The following MAP1B variants were observed in gnomAD, a reference collection of about 807,000 sequenced individuals.
The protein encoded by MAP1B is microtubule-associated protein 1B.
A neutral mutation model predicts 176.1 loss-of-function variants in MAP1B; 12 were observed. That is an observed-to-expected ratio of 0.07 (90% CI 0.04 to 0.11). MAP1B has a LOEUF of 0.11. MAP1B is among the 10% of genes least tolerant of loss of function. MAP1B has a pLI of 1.00. For synonymous variants in MAP1B, 1,044 were observed against 1,135.0 expected, an observed-to-expected ratio of 0.92 and a Z score of 1.61; for missense variants, 2,523 against 2,990.5, an observed-to-expected ratio of 0.84 and a Z score of 3.65.
chr5:72,133,977 G>A (rs1745784608), intron 2 of MAP1B, among the ~76,000 whole-genome samples: 1 of 152,108 alleles, frequency 6.6e-6, no homozygotes, highest in African/African-American at 2.4e-5. Flanking sequence ...TCTTCTTTAT[G>A]GATATTGTGG....
rs1345494519 is a variant in MAP1B, at chr5:72,206,193, T to C, written c.*954T>C. The stretch of plus-strand genomic sequence containing the variant: ...AGACAATTTGCCTTAGGAAGTGACT[T>C]GAATGTACAAAGATACTTGATGCAC... On this transcript the variant is annotated 3_prime_UTR_variant, in exon 7 of 7. Coordinates refer to ENST00000296755, the MANE Select transcript of MAP1B (RefSeq NM_005909.5). 6.6e-6 allele frequency: 1 copy of C among 152,650 alleles called. No homozygotes were observed. Among genetic ancestry groups the C allele is most frequent in the Non-Finnish European group, 1.5e-5 (1 of 68,036 alleles). The allele number at this position is 152,650 out of a possible 1,614,324, so 9.5% of individuals were successfully genotyped here.
chr5:72,199,405 T>C lies in MAP1B; in HGVS notation c.6050T>C (p.Phe2017Ser), dbSNP rs752163402. 6.2e-7 allele frequency: 1 copy of C among 1,614,042 alleles called. No homozygotes were observed. The highest frequency in any genetic ancestry group is 1.1e-5 in the South Asian group (1 of 91,042). Reference protein sequence around the residue: ...SYETTEKITSFPESEGYSYET... With the variant: ...SYETTEKITSSPESEGYSYET... ...GAAACCACTGAGAAAATTACCAGTT[T>C]CCCTGAGTCTGAAGGTTATTCCTAT... The change falls in exon 5 of 7, where the codon TTC becomes TCC. Residue 2017 changes from phenylalanine (F) to serine (S), a missense_variant. Physicochemically the swap from Phe to Ser is radical, Grantham distance 155. This residue lies in a region of MAP1B where 1,925 missense variants were observed against 2,126.0 expected (regional missense o/e 0.91). Transcript: ENST00000296755. The surrounding 1 kb of genome is among the most constrained non-coding windows in gnomAD (Gnocchi z 4.2).
At chr5:72,188,871 T>G (rs1369933016) in intron 4 of MAP1B, among the ~76,000 whole-genome samples, 1 of 152,218 alleles carries the variant, frequency 6.6e-6, no homozygotes, top group Non-Finnish European at 1.5e-5. Flanking sequence ...CCATGTCATA[T>G]TCTCTTCTGC....
intron 2 of MAP1B, among the ~76,000 whole-genome samples, chr5:72,128,421 A>C (rs1313307016): frequency 5.3e-5 from 8 of 152,046 alleles, no homozygotes; most frequent in African/African-American, 9.7e-5. Context: ...AAAAAAAAAA[A>C]AACACTCAAA....
In MAP1B at chr5:72,186,915, A is replaced by G. The variant is rs1283775244; in HGVS notation, c.510+161A>G. Among the ~76,000 whole-genome samples, 2 of 152,228 alleles carry G rather than the reference A, an allele frequency of 1.3e-5. No homozygotes were observed. The highest frequency in any genetic ancestry group is 2.9e-5 in the Non-Finnish European group (2 of 68,044). On this transcript the variant is annotated intron_variant, in intron 4 of 6. Transcript: ENST00000296755. This position sits in a 1 kb window ranked among gnomAD's most constrained non-coding sequence, Gnocchi z 4.3. ...CCAAAATACTTTATTTCTATGGCTC[A>G]TTGCCAAAAGAATTTAGAGCACTCA...
rs780987966 is a variant in MAP1B, at chr5:72,199,589, G to A, written c.6234G>A (p.Gln2078=). ...AEKKSPSEAR[Q]DVDLCLVSSC... ...AGAAGTCCCCCTCAGAAGCCCGTCA[G>A]GATGTCGATTTATGCCTCGTGTCCT... The change falls in exon 5 of 7, where the codon CAG becomes CAA. Residue 2078 remains glutamine, a synonymous_variant. Transcript: ENST00000296755. The surrounding 1 kb of genome is among the most constrained non-coding windows in gnomAD (Gnocchi z 4.2). 6.2e-7 allele frequency: 1 copy of A among 1,614,070 alleles called. No individual in the cohort carries two copies. Among genetic ancestry groups the A allele is most frequent in the Non-Finnish European group, 8.5e-7 (1 of 1,180,048 alleles).
intron 2 of MAP1B, among the ~76,000 whole-genome samples, chr5:72,163,766 C>G (rs1396450592): frequency 2.0e-5 from 3 of 152,030 alleles, no homozygotes; most frequent in Non-Finnish European, 4.4e-5. Flanking sequence ...TGTGTGACTT[C>G]GGACAAGTCA....
chr5:72,116,812 G>A (rs891047150), intron 2 of MAP1B, among the ~76,000 whole-genome samples: 1 of 152,094 alleles, frequency 6.6e-6, no homozygotes, highest in Non-Finnish European at 1.5e-5. Context: ...TATTGGCATT[G>A]ATATAACATC....
chr5:72,162,387 A>T (rs1746343812), intron 2 of MAP1B, among the ~76,000 whole-genome samples: 1 of 151,904 alleles, frequency 6.6e-6, no homozygotes, highest in South Asian at 2.1e-4. Flanking sequence ...GGGCTGTAAC[A>T]TGACTGGGGG....
chr5:72,145,991 G>A (rs1238830842), intron 2 of MAP1B, among the ~76,000 whole-genome samples: 1 of 152,200 alleles, frequency 6.6e-6, no homozygotes, highest in African/African-American at 2.4e-5. Context: ...GTTGGATAAA[G>A]AGATAGGTCA....
At chr5:72,182,756 C>T (rs1746798334) in intron 2 of MAP1B, among the ~76,000 whole-genome samples, 1 of 152,186 alleles carries the variant, frequency 6.6e-6, no homozygotes, top group South Asian at 2.1e-4. Flanking sequence ...AGTCATTGTA[C>T]TTCCAAGCAG....
intron 2 of MAP1B, among the ~76,000 whole-genome samples, chr5:72,154,082 T>C (rs1746188933): frequency 6.6e-6 from 1 of 152,182 alleles, no homozygotes; most frequent in African/African-American, 2.4e-5. Context: ...AATGGTAAAG[T>C]AATATTATTT....
At chr5:72,138,882 T>C (rs1745887524) in intron 2 of MAP1B, among the ~76,000 whole-genome samples, 1 of 152,256 alleles carries the variant, frequency 6.6e-6, no homozygotes, top group Non-Finnish European at 1.5e-5. Flanking sequence ...GAACAGGTTA[T>C]TTTAATTTTC....
intron 2 of MAP1B, among the ~76,000 whole-genome samples, chr5:72,125,131 C>T (rs989899191): frequency 2.6e-5 from 4 of 152,096 alleles, no homozygotes; most frequent in Non-Finnish European, 4.4e-5. Context: ...TAATGGAGCT[C>T]GATGCCTGTT....
chr5:72,198,249 A>T lies in MAP1B; in HGVS notation c.4894A>T (p.Arg1632Trp), dbSNP rs757634072. ...PDFSPKTAKSRTPVQDHRSEQ... is the reference protein window; with the variant it reads ...PDFSPKTAKSWTPVQDHRSEQ... ...TTTCTCCCCTAAAACTGCAAAGTCCAGGACACCCGTTCAAGATCACAGATC... is the reference window on the plus strand; with the variant it reads ...TTTCTCCCCTAAAACTGCAAAGTCCTGGACACCCGTTCAAGATCACAGATC... The change falls in exon 5 of 7, where the codon AGG becomes TGG. Residue 1632 changes from arginine (R) to tryptophan (W), a missense_variant. This residue lies in a region of MAP1B where 1,925 missense variants were observed against 2,126.0 expected (regional missense o/e 0.91). Transcript: ENST00000296755. 3 of 1,614,242 alleles carry T rather than the reference A, an allele frequency of 1.9e-6. No homozygotes were observed. The highest frequency in any genetic ancestry group is 3.3e-5 in the Admixed American group (2 of 60,030).
In MAP1B at chr5:72,208,684, AT is replaced by A. The variant is rs2111909638; in HGVS notation, c.*3446del. On this transcript the variant is annotated 3_prime_UTR_variant, in exon 7 of 7. Transcript: ENST00000296755. ...ATGTTTTAAGTGTCTCCAATAGCTT[AT>A]GCAGTCTAGGAGCTTTCCAATACTC... The A allele has an allele frequency of 6.6e-6, 1 of 152,296 alleles. No individual in the cohort carries two copies. Among genetic ancestry groups the A allele is most frequent in the African/African-American group, 2.4e-5 (1 of 41,562 alleles). 9.4% of individuals were successfully genotyped at this position (152,296 alleles called of 1,614,324 possible). A position where few individuals can be genotyped will look rare whatever the true frequency, so the allele number is the denominator to read the frequency against.
chr5:72,144,992 T>G (rs777600228), intron 2 of MAP1B, among the ~76,000 whole-genome samples: 1 of 152,214 alleles, frequency 6.6e-6, no homozygotes, highest in Admixed American at 6.5e-5. Flanking sequence ...CATCCCTGCC[T>G]ATCTCTGGTG....
chr5:72,123,289 T>G (rs1206666213), intron 2 of MAP1B, among the ~76,000 whole-genome samples: 3 of 152,082 alleles, frequency 2.0e-5, no homozygotes, highest in Non-Finnish European at 4.4e-5. Context: ...AAAGAGAGTT[T>G]CTTTTTATTT....
At chr5:72,159,572 T>C (rs1208497831) in intron 2 of MAP1B, among the ~76,000 whole-genome samples, 1 of 152,258 alleles carries the variant, frequency 6.6e-6, no homozygotes, top group African/African-American at 2.4e-5. Context: ...TCTGCTGTTG[T>C]ATTGTTGATA....
Sources: gnomAD v4.1 joint callset for allele counts (sites outside exome capture counted in the v4.1 genomes callset) on GRCh38, gnomAD v4.1.1 for gene constraint, gnomAD v4.1.1 regional missense constraint, Gnocchi (gnomAD v3.1) non-coding constraint, MANE v1.5 for transcripts, NCBI Gene and HGNC (gene_info 2026-07-23, HGNC 2026-07-21) for gene names.